The following HNRNPU variants were observed in gnomAD, a reference collection of about 807,000 sequenced individuals.
HNRNPU encodes the protein heterogeneous nuclear ribonucleoprotein U.
In HNRNPU, 5 loss-of-function variants were observed where a neutral mutation model predicts 94.7. That is an observed-to-expected ratio of 0.05 (90% CI 0.03 to 0.11). HNRNPU has a LOEUF of 0.11. Ranked by LOEUF, HNRNPU falls within the 10% of genes least tolerant of loss-of-function variation. HNRNPU has a pLI of 1.00. For synonymous variants in HNRNPU, 434 were observed against 381.6 expected (o/e 1.14, Z -1.60); for missense variants, 710 against 1,049.2 (o/e 0.68, Z 4.47).
At chr1:244,862,395 TAAA>T (rs56937404) in intron 3 of HNRNPU, 63 bp downstream of exon 3, 11,387 of 798,334 alleles carry the variant, frequency 0.014, 19 homozygotes, top group Non-Finnish European at 0.019. Flanking sequence ...TTAAGACTTC[TAAA>T]AAAAAAAAAA....
Position 244,855,026 on chromosome 1 carries a change from T to C in HNRNPU, c.2371A>G (p.Asn791Asp). The change falls in exon 13 of 14, where the codon AAC becomes GAC. Residue 791 changes from asparagine (N) to aspartate (D), a missense_variant. Transcript: ENST00000640218. ...NYNQNFRGRGNNRGYKNQSQG... is the reference protein window; with the variant it reads ...NYNQNFRGRGDNRGYKNQSQG... ...GATTGATTTTTGTAGCCACGATTGT[T>C]TCCTCGTCCTCTGAAGTTCTACAAA... 1 of 1,613,708 alleles carries C rather than the reference T, an allele frequency of 6.2e-7. No individual in the cohort carries two copies.
chr1:244,854,527 A>G, intron 13 of HNRNPU, 24 bp from the exon 14 acceptor site: 2 of 1,544,712 alleles, frequency 1.3e-6, no homozygotes, highest in Non-Finnish European at 1.8e-6. Context: ...TTTTGTTTTT[A>G]AAGAAAAAAC....
chr1:244,857,247 C>CTTTT, intron 8 of HNRNPU: 4 of 174,222 alleles, frequency 2.3e-5, no homozygotes, highest in South Asian at 1.7e-4. Context: ...TTTTTCTTTT[C>CTTTT]TTTTTTTTTT....
intron 11 of HNRNPU, 39 bp downstream of exon 11, chr1:244,855,865 G>C (rs190132789): frequency 1.9e-6 from 3 of 1,598,520 alleles, no homozygotes; most frequent in African/African-American, 1.4e-5. Flanking sequence ...CACTTGTTTC[G>C]ATCCTGAACT....
chr1:244,854,886 C>A (rs1404517621), intron 13 of HNRNPU, 87 bp downstream of exon 13: 1 of 1,084,386 alleles, frequency 9.2e-7, no homozygotes, highest in African/African-American at 1.5e-5. Flanking sequence ...ACACTTCAAT[C>A]CCTGAACAAG....
intron 6 of HNRNPU, 34 bp from the exon 7 acceptor site, chr1:244,858,308 C>A: frequency 6.3e-7 from 1 of 1,590,556 alleles, no homozygotes; most frequent in Non-Finnish European, 8.6e-7. Flanking sequence ...CAGTTAAAAT[C>A]TGCTTCCTTA....
chr1:244,852,892 T>C lies in HNRNPU; in HGVS notation c.*1558A>G, dbSNP rs938960123. On this transcript the variant is annotated 3_prime_UTR_variant, in exon 14 of 14. Coordinates refer to ENST00000640218, the MANE Select transcript of HNRNPU (RefSeq NM_031844.3). ...TTGACTCCTGATTCCTCACTTCACA[T>C]TGGTGAGGGGAAGATTAAAGTGTTC... 6.6e-6 allele frequency: 1 copy of C among 152,568 alleles called. No homozygotes were observed. The highest frequency in any genetic ancestry group is 1.5e-5 in the Non-Finnish European group (1 of 68,012). The allele number at this position is 152,568 out of a possible 1,614,324, so 9.5% of individuals were successfully genotyped here. A position where few individuals can be genotyped will look rare whatever the true frequency, so the allele number is the denominator to read the frequency against.
chr1:244,864,301 A>T lies in HNRNPU; in HGVS notation c.7T>A (p.Ser3Thr), dbSNP rs1680942323. MSSSPVNVKKLKV... is the reference protein window; with the variant it reads MSTSPVNVKKLKV... ...AGCTTTTTTACATTAACAGGCGAGG[A>T]ACTCATGGTGAGGGCCCCGATTCAC... is the stretch of plus-strand genomic sequence containing the variant. Residue 3 changes from serine to threonine, a missense_variant, in exon 1 of 14, where the codon TCC becomes ACC. This residue lies in a region of HNRNPU where 19 missense variants were observed against 47.7 expected (regional missense o/e 0.40). Coordinates refer to ENST00000640218, the MANE Select transcript of HNRNPU (RefSeq NM_031844.3). The T allele has an allele frequency of 6.2e-7, 1 of 1,612,648 alleles. No individual in the cohort carries two copies. Among genetic ancestry groups the T allele is most frequent in the Non-Finnish European group, 8.5e-7 (1 of 1,179,672 alleles).
At chr1:244,854,943 T>C (rs763544447) in intron 13 of HNRNPU, 30 bp downstream of exon 13, 16 of 1,502,630 alleles carry the variant, frequency 1.1e-5, no homozygotes, top group African/African-American at 2.7e-5. Context: ...ATACAATTAA[T>C]GTACATAAAG....
At chr1:244,861,227 A>C (rs1344824364) in intron 3 of HNRNPU, 2 of 152,228 alleles carry the variant, frequency 1.3e-5, no homozygotes, top group African/African-American at 4.8e-5. Flanking sequence ...AGAGAAAAAT[A>C]AATCTACAGT....
At chr1:244,863,167 C>T (rs894402942) in intron 1 of HNRNPU, 2 of 172,720 alleles carry the variant, frequency 1.2e-5, no homozygotes, top group African/African-American at 4.8e-5. Flanking sequence ...CCCCTGCGCT[C>T]CTTGCACAAT....
In HNRNPU at chr1:244,854,424, T is replaced by C. The variant is rs370218550; in HGVS notation, c.*26A>G. ...TTCTTGTGAAGGTTTTGGAGAAATA[T>C]GTATCAGTTCGTTTTATTTGGGTAT... On this transcript the variant is annotated 3_prime_UTR_variant, in exon 14 of 14. Transcript: ENST00000640218. The C allele has an allele frequency of 6.9e-6, 10 of 1,451,026 alleles. No individual in the cohort carries two copies. The highest frequency in any genetic ancestry group is 9.7e-6 in the Non-Finnish European group (10 of 1,033,108). 89.9% of individuals were successfully genotyped at this position (1,451,026 alleles called of 1,614,324 possible). A position where few individuals can be genotyped will look rare whatever the true frequency, so the allele number is the denominator to read the frequency against.
At chr1:244,858,874 G>A (rs1680750977) in intron 5 of HNRNPU, 33 bp from the exon 6 acceptor site, 3 of 1,005,256 alleles carry the variant, frequency 3.0e-6, no homozygotes, top group South Asian at 1.3e-5. Flanking sequence ...TGAAGTAGAT[G>A]TTTAAAATAG....
Position 244,864,158 on chromosome 1 carries a change from G to T in HNRNPU, c.150C>A (p.Arg50=). 1.9e-6 allele frequency: 3 copies of T among 1,603,928 alleles called. No individual in the cohort carries two copies. The highest frequency in any genetic ancestry group is 2.6e-6 in the Non-Finnish European group (3 of 1,175,680). ...AALDDEEAGG[R]PAMEPGNGSL... ...TGCCGTTCCCGGGCTCCATGGCGGG[G>T]CGGCCCCCGGCCTCCTCGTCGTCCA... The change falls in exon 1 of 14, where the codon CGC becomes CGA. Residue 50 remains arginine, a synonymous_variant. Coordinates refer to ENST00000640218, the MANE Select transcript of HNRNPU (RefSeq NM_031844.3).
Position 244,864,485 on chromosome 1 carries a change from C to G in HNRNPU, c.-178G>C, listed in dbSNP as rs1270731317. ...TGTCGAACGGCGCCAATTCCTTTCA[C>G]CGAGTTCGCGAGGGAGACGCGGAGA... is the stretch of plus-strand genomic sequence containing the variant. On this transcript the variant is annotated 5_prime_UTR_variant, in exon 1 of 14. Transcript: ENST00000640218. 2 of 1,102,554 alleles carry G rather than the reference C, an allele frequency of 1.8e-6. No homozygotes were observed. Among genetic ancestry groups the G allele is most frequent in the African/African-American group, 1.7e-5 (1 of 60,162 alleles). 68.3% of individuals were successfully genotyped at this position (1,102,554 alleles called of 1,614,324 possible).
At position 244,863,729 on chromosome 1, in the gene HNRNPU, C is replaced by G; in HGVS notation, c.579G>C (p.Leu193=). ...AAGKSSGPTS[L]FAVTVAPPGA... ...CGGGCGGCGCCACCGTCACCGCGAACAGCGAGGTGGGGCCGCTGCTCTTCC... is the reference window on the plus strand; with the variant it reads ...CGGGCGGCGCCACCGTCACCGCGAAGAGCGAGGTGGGGCCGCTGCTCTTCC... The change falls in exon 1 of 14, where the codon CTG becomes CTC. Residue 193 remains leucine, a synonymous_variant. Transcript: ENST00000640218. 1.3e-6 allele frequency: 2 copies of G among 1,569,726 alleles called. No individual in the cohort carries two copies. Among genetic ancestry groups the G allele is most frequent in the Non-Finnish European group, 1.7e-6 (2 of 1,163,984 alleles).
In HNRNPU at chr1:244,853,953, A is replaced by G. The variant is rs1680611637; in HGVS notation, c.*497T>C. ...TAGCTTACCCCCTCCACTACCCAGC[A>G]AACTACAGAGAGGATGGAGTGTAAT... On this transcript the variant is annotated 3_prime_UTR_variant, in exon 14 of 14. Coordinates refer to ENST00000640218, the MANE Select transcript of HNRNPU (RefSeq NM_031844.3). The G allele has an allele frequency of 6.5e-6, 1 of 153,072 alleles. No homozygotes were observed. Among genetic ancestry groups the G allele is most frequent in the South Asian group, 2.1e-4 (1 of 4,872 alleles). The allele number at this position is 153,072 out of a possible 1,614,324, so 9.5% of individuals were successfully genotyped here.
At chr1:244,862,301 AAT>A (rs1328740516) in intron 3 of HNRNPU, 158 bp downstream of exon 3, 1 of 586,448 alleles carries the variant, frequency 1.7e-6, no homozygotes, top group Non-Finnish European at 3.0e-6. Context: ...TGACGTGCTA[AAT>A]ATTAAACTAC....
intron 4 of HNRNPU, chr1:244,859,610 A>C: frequency 3.2e-6 from 1 of 315,818 alleles, no homozygotes; most frequent in Non-Finnish European, 5.7e-6. Flanking sequence ...ATATTTTTAA[A>C]GTTCATGTTG....
Sources: gnomAD v4.1 joint callset for allele counts on GRCh38, gnomAD v4.1.1 for gene constraint, gnomAD v4.1.1 regional missense constraint, MANE v1.5 for transcripts, NCBI Gene and HGNC (gene_info 2026-07-23, HGNC 2026-07-21) for gene names.